The following ZMYM4 variants were observed in gnomAD, a reference collection of about 807,000 sequenced individuals.
The protein encoded by ZMYM4 is zinc finger MYM-type containing 4.
Under a neutral mutation model 183.2 loss-of-function variants are expected in ZMYM4, and 31 were observed. That is an observed-to-expected ratio of 0.17 (90% CI 0.13 to 0.23). ZMYM4 has a LOEUF of 0.23. ZMYM4 is among the 10% of genes least tolerant of loss of function. ZMYM4 has a pLI of 1.00. For missense variants in ZMYM4, 1,273 were observed against 1,840.3 expected (o/e 0.69, Z 5.64); for synonymous variants, 592 against 631.2 (o/e 0.94, Z 0.93).
chr1:35,389,772 T>C lies in ZMYM4; in HGVS notation c.2437-176T>C, dbSNP rs769577709. Among the ~76,000 whole-genome samples the C allele has an allele frequency of 2.9e-5, 4 of 138,070 alleles. No homozygotes were observed. The highest frequency in any genetic ancestry group is 7.3e-5 in the Admixed American group (1 of 13,732). 90.6% of individuals were successfully genotyped at this position (138,070 alleles called of 152,430 possible). ...TCTGTCTCAAAAAAAAAAAAAAATATATATATATATGTGTGTGTGTGTGTG... is the reference window on the plus strand; with the variant it reads ...TCTGTCTCAAAAAAAAAAAAAAATACATATATATATGTGTGTGTGTGTGTG... On this transcript the variant is annotated intron_variant, in intron 14 of 29. Coordinates refer to ENST00000314607, the MANE Select transcript of ZMYM4 (RefSeq NM_005095.3). The surrounding 1 kb of genome is among the most constrained non-coding windows in gnomAD (Gnocchi z 4.0).
At chr1:35,370,910 C>T (rs1644194444) in intron 7 of ZMYM4, 1 of 279,836 alleles carries the variant, frequency 3.6e-6, no homozygotes, top group Admixed American at 5.1e-5. Context: ...CCTGATATAA[C>T]AAAAAGTGCA....
intron 2 of ZMYM4, among the ~76,000 whole-genome samples, chr1:35,326,429 A>G (rs1260547950): frequency 1.3e-5 from 2 of 152,214 alleles, no homozygotes; most frequent in African/African-American, 4.8e-5. Flanking sequence ...AACATTGTCA[A>G]GAGCACCTCC....
chr1:35,321,113 A>G (rs1194842503), intron 1 of ZMYM4, among the ~76,000 whole-genome samples: 1 of 152,242 alleles, frequency 6.6e-6, no homozygotes, highest in East Asian at 1.9e-4. Context: ...AGAATGGGAT[A>G]TGACCTCATA....
intron 2 of ZMYM4, among the ~76,000 whole-genome samples, chr1:35,347,269 A>G (rs1447835303): frequency 6.6e-6 from 1 of 152,216 alleles, no homozygotes; most frequent in Non-Finnish European, 1.5e-5. Context: ...GGCCTCCCAA[A>G]GTGCTGGGAT....
At chr1:35,411,158 C>G (rs1292763111) in intron 26 of ZMYM4, among the ~76,000 whole-genome samples, 1 of 150,124 alleles carries the variant, frequency 6.7e-6, no homozygotes, top group Non-Finnish European at 1.5e-5. Flanking sequence ...TTAATTTGGA[C>G]TCTCAGTTAT....
At chr1:35,284,063 G>A (rs373786054) in intron 1 of ZMYM4, among the ~76,000 whole-genome samples, 13 of 151,608 alleles carry the variant, frequency 8.6e-5, no homozygotes, top group South Asian at 8.3e-4. Context: ...TGCAAGCTCC[G>A]CTTCCCGGGT....
chr1:35,318,922 T>C (rs1388958359), intron 1 of ZMYM4, among the ~76,000 whole-genome samples: 1 of 152,244 alleles, frequency 6.6e-6, no homozygotes, highest in Non-Finnish European at 1.5e-5. Flanking sequence ...GTTTCGCTCT[T>C]GTTGCCCAGG....
At chr1:35,397,839 C>T (rs1240736648) in intron 20 of ZMYM4, among the ~76,000 whole-genome samples, 3 of 152,104 alleles carry the variant, frequency 2.0e-5, no homozygotes, top group African/African-American at 7.2e-5. Flanking sequence ...AAGCCATGGT[C>T]CCCACATAAG....
chr1:35,400,964 GAGT>G (rs1241298677), intron 23 of ZMYM4, among the ~76,000 whole-genome samples: 7 of 152,076 alleles, frequency 4.6e-5, no homozygotes, highest in African/African-American at 2.4e-5. Context: ...TTTTATTTCT[GAGT>G]AGTATTTCAT....
At chr1:35,404,609 C>A (rs1389945497) in intron 23 of ZMYM4, among the ~76,000 whole-genome samples, 2 of 152,032 alleles carry the variant, frequency 1.3e-5, no homozygotes, top group African/African-American at 4.8e-5. Flanking sequence ...TTTTGGACAT[C>A]TATGCATCAT....
At chr1:35,395,321 T>C (rs1037995555) in intron 18 of ZMYM4, among the ~76,000 whole-genome samples, 3 of 151,854 alleles carry the variant, frequency 2.0e-5, no homozygotes, top group African/African-American at 7.3e-5. Flanking sequence ...GTTGGCCAAA[T>C]GTGGTGCCTC....
chr1:35,352,265 G>GTGCACACA (rs1167467592), intron 2 of ZMYM4, among the ~76,000 whole-genome samples: 1 of 85,424 alleles, frequency 1.2e-5, no homozygotes, highest in African/African-American at 5.0e-5. Context: ...GCGCACGCGC[G>GTGCACACA]CGCGCACACA....
intron 1 of ZMYM4, among the ~76,000 whole-genome samples, chr1:35,302,199 G>GTTTTTTTTTTTTTTTT (rs1491055690): frequency 1.1e-5 from 1 of 93,290 alleles, no homozygotes; most frequent in African/African-American, 5.5e-5. Flanking sequence ...AACGGCTCTT[G>GTTTTTTTTTTTTTTTT]CTTTTTTTTT....
Position 35,359,253 on chromosome 1 carries a change from T to A in ZMYM4, c.414T>A (p.Phe138Leu). Residue 138 changes from phenylalanine to leucine, a missense_variant, in exon 3 of 30, where the codon TTT (phenylalanine) becomes TTA (leucine). Phe to Leu is a conservative substitution (Grantham distance 22). Coordinates refer to ENST00000314607, the MANE Select transcript of ZMYM4 (RefSeq NM_005095.3). ...TTCAAAATAAGTTAAAAAAAGACTTTCCTAAACAATTTGATCAGGTTTCTG... is the reference window on the plus strand; with the variant it reads ...TTCAAAATAAGTTAAAAAAAGACTTACCTAAACAATTTGATCAGGTTTCTG... Reference protein sequence around the residue: ...IQIQNKLKKDFPKQFDQVSVF... With the variant: ...IQIQNKLKKDLPKQFDQVSVF... The A allele has an allele frequency of 6.2e-7, 1 of 1,609,576 alleles. No homozygotes were observed. The highest frequency in any genetic ancestry group is 8.5e-7 in the Non-Finnish European group (1 of 1,178,488).
chr1:35,363,145 T>C (rs1643983553), intron 5 of ZMYM4, among the ~76,000 whole-genome samples: 2 of 152,168 alleles, frequency 1.3e-5, no homozygotes, highest in South Asian at 4.1e-4. Context: ...CCCTCCGGCT[T>C]GGATGACAGA....
At chr1:35,322,720 T>A (rs1177603571) in intron 1 of ZMYM4, among the ~76,000 whole-genome samples, 2 of 152,200 alleles carry the variant, frequency 1.3e-5, no homozygotes, top group Admixed American at 6.5e-5. Flanking sequence ...GATGTAGTCT[T>A]GCCCTGTTGC....
intron 23 of ZMYM4, among the ~76,000 whole-genome samples, chr1:35,404,025 C>T (rs1016945717): frequency 2.6e-5 from 4 of 152,180 alleles, no homozygotes; most frequent in South Asian, 2.1e-4. Context: ...TGAGCCACTG[C>T]ACCCAGCCTG....
chr1:35,270,732 G>T (rs1342104707), intron 1 of ZMYM4, among the ~76,000 whole-genome samples: 1 of 152,104 alleles, frequency 6.6e-6, no homozygotes, highest in Non-Finnish European at 1.5e-5. Context: ...AGCCGAGATC[G>T]TGCTACTGCA....
chr1:35,286,880 C>G (rs1009281011), intron 1 of ZMYM4, among the ~76,000 whole-genome samples: 1 of 132,430 alleles, frequency 7.6e-6, no homozygotes, highest in Admixed American at 8.7e-5. Flanking sequence ...TCCTCCACCT[C>G]TGCCTCCCAA....
Sources: gnomAD v4.1 joint callset for allele counts (sites outside exome capture counted in the v4.1 genomes callset) on GRCh38, gnomAD v4.1.1 for gene constraint, Gnocchi (gnomAD v3.1) non-coding constraint, MANE v1.5 for transcripts, NCBI Gene and HGNC (gene_info 2026-07-23, HGNC 2026-07-21) for gene names.